The following ARFGEF1 variants were observed in gnomAD, a reference collection of about 807,000 sequenced individuals.
ARFGEF1 encodes the protein ARF guanine nucleotide exchange factor 1.
Under a neutral mutation model 231.0 loss-of-function variants are expected in ARFGEF1, and 42 were observed. The ratio of observed to expected loss-of-function variants is 0.18; its 90% CI spans 0.14 to 0.24. The LOEUF (loss-of-function observed/expected upper bound fraction) is 0.24, where lower values mean the gene tolerates loss of function less well. Among genes scored for constraint, ARFGEF1 ranks in the 10% least tolerant of loss-of-function variants. The pLI, the probability that ARFGEF1 is intolerant of heterozygous loss-of-function variation, is 1.00. For synonymous variants in ARFGEF1, 710 were observed against 732.3 expected (o/e 0.97, Z 0.49); for missense variants, 1,345 against 2,192.0 (o/e 0.61, Z 7.72).
chr8:67,240,345 T>A, intron 19 of ARFGEF1, 55 bp from the exon 20 acceptor site: 2 of 1,455,724 alleles, frequency 1.4e-6, no homozygotes, highest in Non-Finnish European at 1.9e-6. Context: ...ACATTAAAAT[T>A]TCTCAAATCT....
At chr8:67,278,156 A>C (rs936596581) in intron 7 of ARFGEF1, among the ~76,000 whole-genome samples, 2 of 152,200 alleles carry the variant, frequency 1.3e-5, no homozygotes, top group Admixed American at 6.5e-5. Flanking sequence ...TCTAGGTATA[A>C]TGAAACTCTT....
chr8:67,296,337 A>C, intron 5 of ARFGEF1, 94 bp downstream of exon 5: 1 of 1,084,488 alleles, frequency 9.2e-7, no homozygotes, highest in Non-Finnish European at 1.3e-6. Context: ...TCTTTTCTAC[A>C]GGTACAAAGA....
rs774316576 is a variant in ARFGEF1 at position 67,203,279 on chromosome 8, TAC to T, written c.4960-30_4960-29del. ...TTGGAAAACAAACCACCCCAGCATA[TAC>T]ACACAGTCACAATAATTTTACTTGA... is the stretch of plus-strand genomic sequence containing the variant. On this transcript the variant is annotated intron_variant, in intron 35 of 38. Coordinates refer to ENST00000262215, the MANE Select transcript of ARFGEF1 (RefSeq NM_006421.5). 1.0e-5 allele frequency: 16 copies of T among 1,605,158 alleles called. No individual in the cohort carries two copies. The African/African-American group carries it at 2.0e-4, about 20-fold the overall frequency.
At chr8:67,309,129 A>G (rs765683596) in intron 1 of ARFGEF1, among the ~76,000 whole-genome samples, 3 of 152,240 alleles carry the variant, frequency 2.0e-5, no homozygotes, top group Non-Finnish European at 4.4e-5. Flanking sequence ...ACTAAGTGAA[A>G]AAATGGAAGA....
chr8:67,319,613 CAT>C (rs1807486003), intron 1 of ARFGEF1, among the ~76,000 whole-genome samples: 1 of 150,814 alleles, frequency 6.6e-6, no homozygotes, highest in South Asian at 2.1e-4. Context: ...TTTCGGAAAA[CAT>C]AGGAGAAACT....
At chr8:67,193,542 G>A (rs1222359493), downstream of ARFGEF1, 3 of 1,613,742 alleles carry the variant, frequency 1.9e-6, no homozygotes, top group East Asian at 2.2e-5. Context: ...TGAGCTTAGA[G>A]TGAGAAATGA....
downstream of ARFGEF1, chr8:67,175,216 T>C (rs1376548470): frequency 2.1e-5 from 21 of 1,007,848 alleles, no homozygotes; most frequent in East Asian, 5.0e-4. Context: ...AGGTTACTCA[T>C]GTTACTTACA....
rs369823240 is a variant in ARFGEF1, at chr8:67,216,623, G to A, written c.4653C>T (p.Pro1551=). 41 of 1,606,092 alleles carry A rather than the reference G, an allele frequency of 2.6e-5. No homozygotes were observed. The highest frequency in any genetic ancestry group is 3.4e-5 in the Non-Finnish European group (40 of 1,177,758). Residue 1551 remains proline (P), a synonymous_variant, in exon 33 of 39, where the codon CCC becomes CCT. Transcript: ENST00000262215. ...TTTCACTTACAGGAGATGGAGGTGG[G>A]GGGGCAGTTTCTCCAGAATTGGGTC... is the stretch of plus-strand genomic sequence containing the variant. ...TWRPNSGETA[P]PPPSPVSEKP...
At chr8:67,236,107 C>T (rs1448421543) in intron 22 of ARFGEF1, among the ~76,000 whole-genome samples, 2 of 150,932 alleles carry the variant, frequency 1.3e-5, no homozygotes, top group African/African-American at 2.4e-5. Context: ...TCAACCTGGC[C>T]AACATGGTGA....
intron 29 of ARFGEF1, among the ~76,000 whole-genome samples, chr8:67,221,492 G>A (rs747894374): frequency 4.5e-4 from 68 of 152,088 alleles, no homozygotes; most frequent in Non-Finnish European, 7.1e-4. Flanking sequence ...AATAAAAATA[G>A]AAATAGAAAA....
At chr8:67,203,480 G>C (rs569842429) in intron 35 of ARFGEF1, among the ~76,000 whole-genome samples, 2 of 152,116 alleles carry the variant, frequency 1.3e-5, no homozygotes, top group African/African-American at 4.8e-5. Context: ...CTGGCCCTGC[G>C]TTCCTCAGCC....
At chr8:67,195,759 G>A (rs191829129), downstream of ARFGEF1, 4,300 of 602,354 alleles carry the variant, frequency 7.1e-3, 26 homozygotes, top group Non-Finnish European at 9.0e-3. Context: ...ATAAATAAAA[G>A]GCCATGATTA....
intron 5 of ARFGEF1, among the ~76,000 whole-genome samples, chr8:67,183,926 C>T (rs889773664): frequency 2.1e-5 from 3 of 142,968 alleles, no homozygotes; most frequent in African/African-American, 5.3e-5. Flanking sequence ...GATCTTGGCT[C>T]ACTGCAACCT....
chr8:67,336,205 TAAG>T (rs1318203855), intron 1 of ARFGEF1, among the ~76,000 whole-genome samples: 3 of 152,240 alleles, frequency 2.0e-5, no homozygotes, highest in Admixed American at 1.3e-4. Flanking sequence ...CCAGACCTTT[TAAG>T]AAGCTTTTCA....
At chr8:67,217,304 C>CAAAAAAAAAA (rs1388888346) in intron 32 of ARFGEF1, among the ~76,000 whole-genome samples, 29 of 83,258 alleles carry the variant, frequency 3.5e-4, no homozygotes, top group African/African-American at 1.3e-3. Context: ...AACTCCATCT[C>CAAAAAAAAAA]AAAAAAAAAA....
intron 1 of ARFGEF1, among the ~76,000 whole-genome samples, chr8:67,333,760 G>A (rs1051397909): frequency 3.9e-5 from 6 of 152,170 alleles, no homozygotes; most frequent in African/African-American, 1.4e-4. Flanking sequence ...CATGAAGCCA[G>A]AAGTGAAAAA....
intron 1 of ARFGEF1, among the ~76,000 whole-genome samples, chr8:67,335,703 G>A (rs1417251075): frequency 3.3e-5 from 5 of 151,674 alleles, no homozygotes; most frequent in South Asian, 2.1e-4. Context: ...CTCACATGGC[G>A]TTTCCTAAAG....
Position 67,225,017 on chromosome 8 carries a change from G to A in ARFGEF1, c.4094C>T (p.Thr1365Ile). ...AGGTGCTACGTTCATATCATCGCTTGTGTATTCCTTGAAAGCCTTCAAGAA... is the reference window on the plus strand; with the variant it reads ...AGGTGCTACGTTCATATCATCGCTTATGTATTCCTTGAAAGCCTTCAAGAA... ...SDRPQAFKEY[T>I]SDDMNVAPED... is the part of the protein sequence containing the mutation. Residue 1365 changes from threonine (T) to isoleucine (I), a missense_variant, in exon 29 of 39, where the codon ACA (threonine) becomes ATA (isoleucine). By Grantham distance (89) the Thr-to-Ile change is moderately conservative. Around this residue, in one of 14 missense-constraint regions of ARFGEF1, gnomAD observed 142 missense variants for 227.3 expected, o/e 0.62. Transcript: ENST00000262215. The A allele has an allele frequency of 3.1e-6, 5 of 1,597,080 alleles. No individual in the cohort carries two copies. The highest frequency in any genetic ancestry group is 4.3e-6 in the Non-Finnish European group (5 of 1,172,824).
chr8:67,291,100 T>A (rs1805987779), intron 6 of ARFGEF1, among the ~76,000 whole-genome samples: 2 of 152,040 alleles, frequency 1.3e-5, no homozygotes, highest in South Asian at 4.1e-4. Context: ...GGCAACAGAA[T>A]TCTCATCATT....
Sources: allele counts gnomAD v4.1 joint callset (sites outside exome capture counted in the v4.1 genomes callset), GRCh38; gene constraint gnomAD v4.1.1; regional missense constraint gnomAD v4.1.1; transcripts MANE v1.5; gene names NCBI Gene and HGNC (gene_info 2026-07-23, HGNC 2026-07-21).